Variants in CUL1 observed in about 807,000 individuals in gnomAD.
CUL1 encodes the protein cullin-1.
Under a neutral mutation model 118.0 loss-of-function variants are expected in CUL1, and 24 were observed. That is an observed-to-expected ratio of 0.20 (90% confidence interval 0.15 to 0.29). The LOEUF (loss-of-function observed/expected upper bound fraction) is 0.29. Among genes scored for constraint, CUL1 ranks in the 10% least tolerant of loss-of-function variants. The probability of loss-of-function intolerance (pLI) is 1.00; values close to 1 mark genes in which losing one functional copy is unlikely to be tolerated. For synonymous variants in CUL1, 332 were observed against 340.4 expected (o/e 0.98, Z 0.27); for missense variants, 361 against 933.8 (o/e 0.39, Z 7.99).
At chr7:148,724,470 A>G (rs958831126) in intron 1 of CUL1, among the ~76,000 whole-genome samples, 4 of 152,210 alleles carry the variant, frequency 2.6e-5, no homozygotes, top group Admixed American at 2.0e-4. Flanking sequence ...TGTCTGTGGT[A>G]AAAACTCATG....
At chr7:148,775,553 A>G (rs538796193) in intron 9 of CUL1, among the ~76,000 whole-genome samples, 1 of 152,186 alleles carries the variant, frequency 6.6e-6, no homozygotes, top group Non-Finnish European at 1.5e-5. Flanking sequence ...GATTGAGTGG[A>G]TGTTGGAAAG....
At chr7:148,735,209 G>A (rs1798899006) in intron 2 of CUL1, among the ~76,000 whole-genome samples, 1 of 152,236 alleles carries the variant, frequency 6.6e-6, no homozygotes, top group Non-Finnish European at 1.5e-5. Flanking sequence ...TTGACGTTTA[G>A]TGATAAGGTT....
chr7:148,738,691 C>T (rs1350297649), intron 2 of CUL1, among the ~76,000 whole-genome samples: 1 of 152,178 alleles, frequency 6.6e-6, no homozygotes, highest in Non-Finnish European at 1.5e-5. Context: ...CTATTGTCTG[C>T]TGAATGAAAC....
intron 17 of CUL1, among the ~76,000 whole-genome samples, chr7:148,794,366 A>T (rs1478746154): frequency 6.6e-6 from 1 of 152,222 alleles, no homozygotes; most frequent in Admixed American, 6.5e-5. Context: ...ACTTGTCAAA[A>T]GTCAGTTGGC....
intron 11 of CUL1, among the ~76,000 whole-genome samples, chr7:148,785,300 A>G (rs1341585355): frequency 2.6e-5 from 4 of 152,104 alleles, no homozygotes; most frequent in Admixed American, 2.0e-4. Flanking sequence ...AGGGGGCTGC[A>G]TGTTATGACT....
intron 1 of CUL1, among the ~76,000 whole-genome samples, chr7:148,700,526 A>T (rs1241510316): frequency 6.6e-6 from 1 of 152,180 alleles, no homozygotes; most frequent in Non-Finnish European, 1.5e-5. Context: ...TCTTTGTTTA[A>T]AGAAGGTTTG....
chr7:148,755,299 C>A (rs1432733367), intron 3 of CUL1, among the ~76,000 whole-genome samples: 1 of 152,186 alleles, frequency 6.6e-6, no homozygotes, highest in African/African-American at 2.4e-5. Context: ...TGGTTCTACA[C>A]TGTCAAAGAG....
intron 1 of CUL1, among the ~76,000 whole-genome samples, chr7:148,703,625 T>C (rs1199010955): frequency 6.6e-6 from 1 of 151,870 alleles, no homozygotes; most frequent in Non-Finnish European, 1.5e-5. Flanking sequence ...CTCCGCCTCC[T>C]GGGTTCAAGC....
chr7:148,721,122 G>A (rs1366676340), intron 1 of CUL1, among the ~76,000 whole-genome samples: 1 of 152,180 alleles, frequency 6.6e-6, no homozygotes, highest in East Asian at 1.9e-4. Context: ...GAGTGGCTTA[G>A]AGTATCCTTT....
At chr7:148,705,319 C>T in intron 1 of CUL1, among the ~76,000 whole-genome samples, 1 of 151,910 alleles carries the variant, frequency 6.6e-6, no homozygotes, top group East Asian at 2.0e-4. Context: ...TTAAATTAAT[C>T]TTTAAACTTA....
intron 1 of CUL1, among the ~76,000 whole-genome samples, chr7:148,724,293 C>A (rs190404189): frequency 1.3e-5 from 2 of 152,320 alleles, no homozygotes; most frequent in Non-Finnish European, 2.9e-5. Context: ...TGTTGGCTTT[C>A]ATCTTCTTTT....
chr7:148,771,898 A>G (rs1471671754), intron 9 of CUL1, among the ~76,000 whole-genome samples: 4 of 152,182 alleles, frequency 2.6e-5, no homozygotes, highest in Non-Finnish European at 5.9e-5. Flanking sequence ...TCTTCAAAGC[A>G]GAGACCATTC....
chr7:148,742,371 G>A (rs1799171667), intron 2 of CUL1, among the ~76,000 whole-genome samples: 1 of 152,028 alleles, frequency 6.6e-6, no homozygotes, highest in Non-Finnish European at 1.5e-5. Flanking sequence ...GCTTATGCAG[G>A]GAAACTCCCA....
chr7:148,800,430 C>G lies in CUL1; in HGVS notation c.2251-72C>G. The G allele has an allele frequency of 4.0e-6, 5 of 1,259,848 alleles. No individual in the cohort carries two copies. Among genetic ancestry groups the G allele is most frequent in the Non-Finnish European group, 4.6e-6 (4 of 865,790 alleles). 78.0% of individuals were successfully genotyped at this position (1,259,848 alleles called of 1,614,324 possible). The stretch of plus-strand genomic sequence containing the variant: ...GGGAGATTTGTGGTGGGGGCAGCCT[C>G]TCTCTGTTCTGATGATAATTTGTGT... On this transcript the variant is annotated intron_variant, in intron 21 of 21. Coordinates refer to ENST00000325222, the MANE Select transcript of CUL1 (RefSeq NM_003592.3). The surrounding 1 kb of genome is among the most constrained non-coding windows in gnomAD (Gnocchi z 4.6).
intron 9 of CUL1, among the ~76,000 whole-genome samples, chr7:148,776,759 TTAAA>T (rs1176552248): frequency 1.3e-5 from 2 of 152,184 alleles, no homozygotes; most frequent in Admixed American, 1.3e-4. Flanking sequence ...AAATTGTAGT[TTAAA>T]TAAGTACTGA....
At chr7:148,738,446 T>A (rs1799033569) in intron 2 of CUL1, among the ~76,000 whole-genome samples, 1 of 152,178 alleles carries the variant, frequency 6.6e-6, no homozygotes, top group Admixed American at 6.5e-5. Context: ...AGAAGAGTTG[T>A]AGGACCTATT....
chr7:148,779,130 C>T (rs1031617307), intron 9 of CUL1, among the ~76,000 whole-genome samples: 4 of 152,150 alleles, frequency 2.6e-5, no homozygotes, highest in Non-Finnish European at 4.4e-5. Context: ...AGACTCTTAA[C>T]GTGATTTTCT....
At chr7:148,698,256 A>T (rs1026312028), upstream of CUL1, 12 of 152,216 alleles carry the variant, frequency 7.9e-5, no homozygotes, top group African/African-American at 2.9e-4. Context: ...CCCGGTCGAC[A>T]AAGGTGTGGA....
intron 1 of CUL1, among the ~76,000 whole-genome samples, chr7:148,706,819 C>T (rs1585526408): frequency 6.6e-6 from 1 of 152,150 alleles, no homozygotes; most frequent in East Asian, 1.9e-4. Context: ...TGGAGCTCTG[C>T]CTTACTACTC....
Sources: allele counts gnomAD v4.1 joint callset (sites outside exome capture counted in the v4.1 genomes callset), GRCh38; gene constraint gnomAD v4.1.1; non-coding constraint Gnocchi (gnomAD v3.1); transcripts MANE v1.5; gene names NCBI Gene and HGNC (gene_info 2026-07-23, HGNC 2026-07-21).